TAF1: variants seen among roughly 807,000 people sequenced by gnomAD.
TAF1 encodes the protein TATA-box binding protein associated factor 1.
Under a neutral mutation model 138.5 loss-of-function variants are expected in TAF1, and 2 were observed. The ratio of observed to expected loss-of-function variants is 0.01; its 90% CI spans 0.01 to 0.05. TAF1 has a LOEUF of 0.05. TAF1 is among the 10% of genes least tolerant of loss of function. The pLI, the probability that TAF1 is intolerant of heterozygous loss-of-function variation, is 1.00. For synonymous variants in TAF1, 437 were observed against 503.2 expected (o/e 0.87, Z 1.76); for missense variants, 709 against 1,478.0 (o/e 0.48, Z 8.53).
intron 13 of TAF1, among the ~76,000 whole-genome samples, chrX:71,489,360 C>T (rs1297742223): frequency 3.6e-5 from 4 of 110,363 alleles, no homozygotes; most frequent in Non-Finnish European, 7.6e-5. Context: ...AAATAAAGTT[C>T]CTGGAGTGAA....
At chrX:71,517,686 C>T (rs2039849262) in intron 13 of TAF1, among the ~76,000 whole-genome samples, 1 of 111,838 alleles carries the variant, frequency 8.9e-6, no homozygotes, top group Non-Finnish European at 1.9e-5. Context: ...AACACCTTGA[C>T]CCTGAGCAGA....
intron 25 of TAF1, among the ~76,000 whole-genome samples, chrX:71,405,500 G>A (rs752638005): frequency 1.8e-5 from 2 of 111,252 alleles, no homozygotes; most frequent in South Asian, 3.8e-4. Context: ...ACAGGCACGT[G>A]CTGCCACGCC....
intron 34 of TAF1, 120 bp downstream of exon 34, chrX:71,454,977 C>G: frequency 8.5e-7 from 1 of 1,170,256 alleles, no homozygotes; most frequent in African/African-American, 1.8e-5. Flanking sequence ...TCTTCATATG[C>G]CTTTCGTGTG....
chrX:71,428,410 T>G (rs2036707417), intron 32 of TAF1, among the ~76,000 whole-genome samples: 1 of 111,897 alleles, frequency 8.9e-6, no homozygotes, highest in African/African-American at 3.2e-5. Flanking sequence ...GTGAACAGAC[T>G]TTATTGTCAA....
intron 13 of TAF1, among the ~76,000 whole-genome samples, chrX:71,501,003 C>T (rs1231933862): frequency 9.5e-6 from 1 of 104,731 alleles, no homozygotes; most frequent in Non-Finnish European, 1.9e-5. Flanking sequence ...GCACAGGTTG[C>T]AGTGAGCCGA....
At chrX:71,529,230 CCTGA>C (rs1473590804) in intron 14 of TAF1, among the ~76,000 whole-genome samples, 5 of 110,285 alleles carry the variant, frequency 4.5e-5, no homozygotes, top group East Asian at 2.8e-4. Flanking sequence ...CGCCACCACG[CCTGA>C]CTAATTTTTT....
At chrX:71,528,550 G>C (rs746617971) in exon 14 of TAF1, 1 of 328,553 alleles carries the variant, frequency 3.0e-6, no homozygotes, top group East Asian at 9.8e-5. Flanking sequence ...AGGTACCAAT[G>C]AACAAGCCAT....
intron 24 of TAF1, among the ~76,000 whole-genome samples, chrX:71,399,422 A>G (rs1191453521): frequency 9.6e-6 from 1 of 103,994 alleles, no homozygotes. Flanking sequence ...ATGCCTGGCT[A>G]ATTTTTTGTA....
At chrX:71,389,518 TAAAA>T (rs151185299) in intron 17 of TAF1, 63 bp from the exon 18 acceptor site, 1 of 695,208 alleles carries the variant, frequency 1.4e-6, no homozygotes, top group Admixed American at 3.7e-5. Flanking sequence ...TTGTATTCAG[TAAAA>T]AAAAAACTTG....
intron 16 of TAF1, 171 bp from the exon 17 acceptor site, chrX:71,388,567 A>G (rs917813993): frequency 1.1e-6 from 1 of 897,496 alleles, no homozygotes; most frequent in Non-Finnish European, 1.5e-6. Flanking sequence ...TGATTGTTGG[A>G]TATCTTCTAT....
At chrX:71,524,171 G>T (rs1451978378) in intron 13 of TAF1, among the ~76,000 whole-genome samples, 1 of 109,199 alleles carries the variant, frequency 9.2e-6, no homozygotes, top group Non-Finnish European at 1.9e-5. Context: ...ACCAGAGCAT[G>T]CCACCACACC....
At chrX:71,503,756 T>C (rs933901357) in intron 13 of TAF1, among the ~76,000 whole-genome samples, 2 of 111,054 alleles carry the variant, frequency 1.8e-5, no homozygotes, top group Non-Finnish European at 3.8e-5. Context: ...CTCTGCTGAC[T>C]TTCTGGCATC....
At position 71,465,668 on chromosome X, in the gene TAF1, G is replaced by C. The variant is rs1452262340; in HGVS notation, c.*1622G>C. On this transcript the variant is annotated 3_prime_UTR_variant, in exon 38 of 38. Transcript: ENST00000423759. Reference sequence around the variant, plus strand: ...TTATATTATGGGAAATAAGCTCTTAGAGGAGTGATATAATCAGGTTTGTGT... The same window carrying C: ...TTATATTATGGGAAATAAGCTCTTACAGGAGTGATATAATCAGGTTTGTGT... The C allele has an allele frequency of 8.9e-6, 1 of 112,294 alleles. No homozygotes were observed. Among genetic ancestry groups the C allele is most frequent in the Non-Finnish European group, 1.9e-5 (1 of 53,317 alleles). The allele number at this position is 112,294 out of a possible 1,213,427, so 9.3% of individuals were successfully genotyped here. A position where few individuals can be genotyped will look rare whatever the true frequency, so the allele number is the denominator to read the frequency against.
chrX:71,476,125 C>T (rs1289589270), intron 13 of TAF1, among the ~76,000 whole-genome samples: 5 of 111,829 alleles, frequency 4.5e-5, no homozygotes, highest in Non-Finnish European at 9.4e-5. Flanking sequence ...TATCTAGCCT[C>T]ACATATTTCT....
At chrX:71,402,702 A>T (rs767817558) in intron 25 of TAF1, among the ~76,000 whole-genome samples, 1 of 112,202 alleles carries the variant, frequency 8.9e-6, no homozygotes, top group Non-Finnish European at 1.9e-5. Flanking sequence ...ACCTACAGAA[A>T]AGTTGAAAGA....
At position 71,368,088 on chromosome X, in the gene TAF1, T is replaced by C; in HGVS notation, c.270T>C (p.Tyr90=). Residue 90 remains tyrosine, a synonymous_variant, in exon 3 of 38, where the codon TAT becomes TAC. Transcript: ENST00000423759. Reference sequence around the variant, plus strand: ...GGAGTACAGAAGATGCTGTGGACTATTCAGACATCAATGAGGTGGCAGAAG... The same window carrying C: ...GGAGTACAGAAGATGCTGTGGACTACTCAGACATCAATGAGGTGGCAGAAG... ...WVRSTEDAVD[Y]SDINEVAEDE... The C allele has an allele frequency of 1.7e-6, 2 of 1,212,114 alleles. No individual in the cohort carries two copies. Among genetic ancestry groups the C allele is most frequent in the Non-Finnish European group, 2.2e-6 (2 of 895,596 alleles).
intron 18 of TAF1, among the ~76,000 whole-genome samples, chrX:71,391,174 G>C (rs1308882600): frequency 9.0e-6 from 1 of 111,214 alleles, no homozygotes; most frequent in Non-Finnish European, 1.9e-5. Context: ...TACTGAACTT[G>C]GTTGGCTGTT....
chrX:71,471,982 G>GCATAC (rs2038898611), intron 13 of TAF1, among the ~76,000 whole-genome samples: 2 of 112,043 alleles, frequency 1.8e-5, no homozygotes, highest in African/African-American at 6.5e-5. Context: ...TTTGCAAAGG[G>GCATAC]CATAGCCTCT....
chrX:71,455,357 T>C (rs1258695778), intron 34 of TAF1, among the ~76,000 whole-genome samples: 1 of 111,872 alleles, frequency 8.9e-6, no homozygotes, highest in Non-Finnish European at 1.9e-5. Flanking sequence ...ATAATGTTCT[T>C]AAATGTTCAT....
Sources: gnomAD v4.1 joint callset for allele counts (sites outside exome capture counted in the v4.1 genomes callset) on GRCh38, gnomAD v4.1.1 for gene constraint, MANE v1.5 for transcripts, NCBI Gene and HGNC (gene_info 2026-07-23, HGNC 2026-07-21) for gene names.